CFAP74: variants seen among roughly 807,000 people sequenced by gnomAD.
The protein encoded by CFAP74 is cilia- and flagella-associated protein 74.
CFAP74 carries 124 observed loss-of-function variants against 188.9 expected under a neutral mutation model. The observed-to-expected ratio is 0.66, with a 90% CI of 0.57 to 0.76. The LOEUF (loss-of-function observed/expected upper bound fraction) is 0.76, where lower values mean the gene tolerates loss of function less well. Ranked by LOEUF, CFAP74 falls within the 30% of genes least tolerant of loss-of-function variation. The probability of loss-of-function intolerance (pLI) is 0.00; values close to 1 mark genes in which losing one functional copy is unlikely to be tolerated. For synonymous variants in CFAP74, 956 were observed against 916.7 expected (o/e 1.04, Z -0.77); for missense variants, 2,198 against 2,165.2 (o/e 1.02, Z -0.30).
intron 18 of CFAP74, 108 bp downstream of exon 18, chr1:1,955,583 A>G (rs1654551613): frequency 6.2e-7 from 1 of 1,611,358 alleles, no homozygotes; most frequent in South Asian, 1.1e-5. Flanking sequence ...AAGGCCTAGG[A>G]AAATTCTCTA....
intron 1 of CFAP74, among the ~76,000 whole-genome samples, chr1:1,998,512 C>T (rs1008222441): frequency 2.0e-5 from 3 of 152,116 alleles, no homozygotes; most frequent in African/African-American, 4.8e-5. Flanking sequence ...CCTGGGGCTT[C>T]GTATTATCAT....
At chr1:1,931,035 C>T (rs2102035175) in intron 25 of CFAP74, among the ~76,000 whole-genome samples, 1 of 152,282 alleles carries the variant, frequency 6.6e-6, no homozygotes, top group Non-Finnish European at 1.5e-5. Context: ...GGACAATACT[C>T]CTATCACATT....
At chr1:1,987,459 A>G (rs1031758320) in intron 4 of CFAP74, among the ~76,000 whole-genome samples, 1 of 152,078 alleles carries the variant, frequency 6.6e-6, no homozygotes, top group African/African-American at 2.4e-5. Context: ...CCGGGACAGA[A>G]TCCAGTTCAC....
rs2748979 is a variant in CFAP74 at position 1,942,260 on chromosome 1, G to C, written c.2487-104C>G. ...ACATTTCTGGCACCCAAGCCCCCGA[G>C]AGGTGCTCAGAGCCCACCCACTCCA... On this transcript the variant is annotated intron_variant, in intron 21 of 38. Coordinates refer to ENST00000682832, the MANE Select transcript of CFAP74 (RefSeq NM_001304360.2). The surrounding 1 kb of genome is among the most constrained non-coding windows in gnomAD (Gnocchi z 4.3). 0.54 allele frequency: 651,563 copies of C among 1,217,768 alleles called. 173,721 individuals are homozygous for C. The highest frequency in any genetic ancestry group is 0.6 in the East Asian group (20,163 of 33,664). The allele number at this position is 1,217,768 out of a possible 1,614,324, so 75.4% of individuals were successfully genotyped here. A position where few individuals can be genotyped will look rare whatever the true frequency, so the allele number is the denominator to read the frequency against.
chr1:1,996,650 G>A (rs560724610), intron 1 of CFAP74, among the ~76,000 whole-genome samples: 1 of 152,286 alleles, frequency 6.6e-6, no homozygotes, highest in South Asian at 2.1e-4. Context: ...GCCGGGTGCG[G>A]GCGCTCATGT....
At chr1:1,994,746 T>C (rs1657825025) in intron 1 of CFAP74, among the ~76,000 whole-genome samples, 1 of 152,216 alleles carries the variant, frequency 6.6e-6, no homozygotes, top group South Asian at 2.1e-4. Flanking sequence ...ATGATCACAC[T>C]AAACCATATA....
rs777816567 is a variant in CFAP74 at position 1,940,391 on chromosome 1, C to T, written c.2628G>A (p.Pro876=). The T allele has an allele frequency of 1.5e-5, 23 of 1,530,390 alleles. No homozygotes were observed. The highest frequency in any genetic ancestry group is 4.8e-5 in the South Asian group (4 of 83,296). The allele number at this position is 1,530,390 out of a possible 1,614,324, so 94.8% of individuals were successfully genotyped here. A position where few individuals can be genotyped will look rare whatever the true frequency, so the allele number is the denominator to read the frequency against. ...QLKFLPRHSL[P]EDAGRYFDKE... ...TGTCAAAATACCTCCCTGCGTCCTC[C>T]GGGAGGGAGTGTCTGAAAGAGGCAG... Residue 876 remains proline (P), a synonymous_variant, in exon 23 of 39, where the codon CCG becomes CCA. Transcript: ENST00000682832.
chr1:1,972,048 A>T lies in CFAP74; in HGVS notation c.820T>A (p.Cys274Ser). ...ATGCGTCGCCTCATGTACTCGTGGC[A>T]CTCCATCTCCTCCTTCTTCTCTTGC... Reference protein sequence around the residue: ...REQEKKEEMECHEYMRRRMDA... With the variant: ...REQEKKEEMESHEYMRRRMDA... Residue 274 changes from cysteine to serine, a missense_variant, in exon 9 of 39, where the codon TGC (cysteine) becomes AGC (serine). By Grantham distance (112) the Cys-to-Ser change is moderately radical. Coordinates refer to ENST00000682832, the MANE Select transcript of CFAP74 (RefSeq NM_001304360.2). 1 of 1,612,942 alleles carries T rather than the reference A, an allele frequency of 6.2e-7. No individual in the cohort carries two copies. The highest frequency in any genetic ancestry group is 1.1e-5 in the South Asian group (1 of 91,080).
At chr1:1,946,944 G>A (rs544290179) in intron 19 of CFAP74, 46 bp downstream of exon 19, 230 of 1,412,164 alleles carry the variant, frequency 1.6e-4, no homozygotes, top group East Asian at 1.3e-3. Context: ...GAAGGTGGGC[G>A]GTGTCTTGGA....
intron 18 of CFAP74, chr1:1,953,463 T>G (rs1270239816): frequency 1.3e-5 from 2 of 152,316 alleles, no homozygotes; most frequent in African/African-American, 4.8e-5. Flanking sequence ...GCCTGGCTAA[T>G]TTTTTGTATT....
chr1:1,954,799 T>G, intron 18 of CFAP74: 1 of 1,103,700 alleles, frequency 9.1e-7, no homozygotes. Flanking sequence ...GAACTCACTT[T>G]GGTATTAGCT....
intron 6 of CFAP74, among the ~76,000 whole-genome samples, chr1:1,978,355 C>T (rs1656582305): frequency 6.6e-6 from 1 of 151,476 alleles, no homozygotes; most frequent in Admixed American, 6.6e-5. Context: ...TGGGGTGCTG[C>T]TAGGCCTGGG....
intron 25 of CFAP74, among the ~76,000 whole-genome samples, chr1:1,931,881 G>A (rs1355138473): frequency 6.7e-6 from 1 of 150,244 alleles, no homozygotes; most frequent in Non-Finnish European, 1.5e-5. Flanking sequence ...TGGCCAACAC[G>A]GTGAAACCCA....
At position 1,998,220 on chromosome 1, in the gene CFAP74, G is replaced by A. The variant is rs1658015527; in HGVS notation, c.-20+5481C>T. 2.0e-5 allele frequency among the ~76,000 whole-genome samples: 3 copies of A among 152,218 alleles called. No homozygotes were observed. In the South Asian group the frequency reaches 6.2e-4, roughly 31 times the overall value. On this transcript the variant is annotated intron_variant, in intron 1 of 38. Transcript: ENST00000682832. ...TTGAATCTGGGAGGCAGAGGTTGCAGTGAGCCAAGATCGTGCCATTGCACT... is the reference window on the plus strand; with the variant it reads ...TTGAATCTGGGAGGCAGAGGTTGCAATGAGCCAAGATCGTGCCATTGCACT...
At position 1,966,396 on chromosome 1, in the gene CFAP74, C is replaced by A; in HGVS notation, c.1376G>T (p.Trp459Leu). Residue 459 changes from tryptophan to leucine, a missense_variant, in exon 12 of 39, where the codon TGG (tryptophan) becomes TTG (leucine). Trp to Leu is a moderately conservative substitution (Grantham distance 61). Coordinates refer to ENST00000682832, the MANE Select transcript of CFAP74 (RefSeq NM_001304360.2). Reference protein sequence around the residue: ...TLAEPEISGLWNEDYKPYQVP... With the variant: ...TLAEPEISGLLNEDYKPYQVP... Reference sequence around the variant, plus strand: ...CTGGTATGGCTTGTAGTCTTCATTCCAAAGCCCAGAGATCTCGGGCTCAGC... The same window carrying A: ...CTGGTATGGCTTGTAGTCTTCATTCAAAAGCCCAGAGATCTCGGGCTCAGC... 1.3e-6 allele frequency: 2 copies of A among 1,587,762 alleles called. No homozygotes were observed. The highest frequency in any genetic ancestry group is 1.7e-6 in the Non-Finnish European group (2 of 1,165,022).
intron 12 of CFAP74, among the ~76,000 whole-genome samples, chr1:1,965,900 C>T (rs1655433311): frequency 6.6e-6 from 1 of 152,262 alleles, no homozygotes; most frequent in Admixed American, 6.5e-5. Flanking sequence ...AGCCACACTG[C>T]TGCAGAGACC....
rs113558817 is a variant in CFAP74, at chr1:1,974,639, G to T, written c.501-441C>A. Among the ~76,000 whole-genome samples, 990 of 152,338 alleles carry T rather than the reference G, an allele frequency of 6.5e-3. 22 individuals carry two copies. In the East Asian group the frequency reaches 0.085, roughly 13 times the overall value. ...ATGTGCCTGGGGTGGGGGCTATGGA[G>T]CGTGGAGTCAGCCAGCCCTGCCCGG... On this transcript the variant is annotated intron_variant, in intron 6 of 38. Transcript: ENST00000682832.
At chr1:1,976,785 T>C (rs1656475763) in intron 6 of CFAP74, among the ~76,000 whole-genome samples, 1 of 151,902 alleles carries the variant, frequency 6.6e-6, no homozygotes, top group Non-Finnish European at 1.5e-5. Context: ...TCAGGTGATC[T>C]GCCCACCTTG....
At chr1:1,994,116 G>C (rs1275141998) in intron 1 of CFAP74, among the ~76,000 whole-genome samples, 1 of 149,406 alleles carries the variant, frequency 6.7e-6, no homozygotes, top group Non-Finnish European at 1.5e-5. Context: ...CGTGAGCTGT[G>C]ATTGTGCCAC....
Sources: allele counts gnomAD v4.1 joint callset (sites outside exome capture counted in the v4.1 genomes callset), GRCh38; gene constraint gnomAD v4.1.1; non-coding constraint Gnocchi (gnomAD v3.1); transcripts MANE v1.5; gene names NCBI Gene and HGNC (gene_info 2026-07-23, HGNC 2026-07-21).